Variants in SETD2 observed in about 807,000 individuals in gnomAD.
The protein encoded by SETD2 is SET domain containing 2, histone lysine methyltransferase.
In SETD2, 31 loss-of-function variants were observed where a neutral mutation model predicts 242.1. That is an observed-to-expected ratio of 0.13 (90% CI 0.10 to 0.17). SETD2 has a LOEUF of 0.17. Ranked by LOEUF, SETD2 falls within the 10% of genes least tolerant of loss-of-function variation. The pLI is 1.00. For missense variants in SETD2, 2,481 were observed against 3,046.3 expected, an observed-to-expected ratio of 0.81 and a Z score of 4.37; for synonymous variants, 1,006 against 1,066.5, an observed-to-expected ratio of 0.94 and a Z score of 1.11.
At chr3:47,030,228 G>T (rs553621575) in intron 18 of SETD2, among the ~76,000 whole-genome samples, 1 of 151,994 alleles carries the variant, frequency 6.6e-6, no homozygotes, top group South Asian at 2.1e-4. Context: ...AAATAAAAAA[G>T]AAATTAAAAC....
chr3:47,096,793 A>AAG (rs1375197959), intron 9 of SETD2, among the ~76,000 whole-genome samples: 4 of 152,156 alleles, frequency 2.6e-5, no homozygotes, highest in South Asian at 2.1e-4. Context: ...CATTTTTTAA[A>AAG]AGAGAGAGAG....
At chr3:47,104,602 T>C (rs1254707029) in intron 6 of SETD2, among the ~76,000 whole-genome samples, 1 of 152,238 alleles carries the variant, frequency 6.6e-6, no homozygotes, top group Non-Finnish European at 1.5e-5. Flanking sequence ...ATGGGCTTAC[T>C]ATTGTTACAG....
At chr3:47,140,819 C>T (rs996556246) in intron 1 of SETD2, among the ~76,000 whole-genome samples, 7 of 152,048 alleles carry the variant, frequency 4.6e-5, no homozygotes, top group African/African-American at 9.7e-5. Context: ...GCTGAGATTG[C>T]GCCATTGCAC....
chr3:47,121,560 G>T lies in SETD2; in HGVS notation c.3076C>A (p.His1026Asn). 3 of 1,614,044 alleles carry T rather than the reference G, an allele frequency of 1.9e-6. No homozygotes were observed. Among genetic ancestry groups the T allele is most frequent in the South Asian group, 1.1e-5 (1 of 91,050 alleles). ...ACTGTAGACACAATTTCTGGGGCAT[G>T]ACCACTACTGTCACACTTTAATGCA... ...TYALKCDSSG[H>N]APEIVSTVHE... Residue 1026 changes from histidine (H) to asparagine (N), a missense_variant, in exon 3 of 21, where the codon CAT becomes AAT. Transcript: ENST00000409792.
chr3:47,058,440 C>CAA (rs1174283471), intron 14 of SETD2, among the ~76,000 whole-genome samples: 1,173 of 21,518 alleles, frequency 0.055, 134 homozygotes, highest in Non-Finnish European at 0.058. Context: ...GACACCGTCT[C>CAA]AAAAAAAAAA....
At position 47,088,040 on chromosome 3, in the gene SETD2, C is replaced by T. The variant is rs957562059; in HGVS notation, c.5277+73G>A. The T allele has an allele frequency of 3.6e-6, 5 of 1,404,942 alleles. No homozygotes were observed. The African/African-American group carries it at 7.3e-5, about 20-fold the overall frequency. 87.0% of individuals were successfully genotyped at this position (1,404,942 alleles called of 1,614,324 possible). The stretch of plus-strand genomic sequence containing the variant: ...AGACTAACTCTTATCAGAATTATTC[C>T]TTCTTCATTCATCTTCATTCATTCA... On this transcript the variant is annotated intron_variant, in intron 10 of 20. Transcript: ENST00000409792.
chr3:47,088,461 G>A (rs1211434975), intron 9 of SETD2, among the ~76,000 whole-genome samples: 3 of 149,162 alleles, frequency 2.0e-5, no homozygotes, highest in Non-Finnish European at 4.4e-5. Flanking sequence ...CATTTGAAAT[G>A]CATTTCATTC....
intron 1 of SETD2, among the ~76,000 whole-genome samples, chr3:47,157,275 A>G (rs911762843): frequency 6.6e-6 from 1 of 152,150 alleles, no homozygotes; most frequent in Non-Finnish European, 1.5e-5. Context: ...CAAAAAAATT[A>G]GCCAGGAGTG....
intron 12 of SETD2, among the ~76,000 whole-genome samples, chr3:47,072,392 A>G (rs2040862875): frequency 6.6e-6 from 1 of 152,178 alleles, no homozygotes; most frequent in African/African-American, 2.4e-5. Flanking sequence ...GTAATAACAG[A>G]TTTATTTTTG....
chr3:47,127,236 T>C (rs536357174), intron 1 of SETD2, among the ~76,000 whole-genome samples: 1 of 151,778 alleles, frequency 6.6e-6, no homozygotes, highest in African/African-American at 2.4e-5. Flanking sequence ...CGTGCACTTA[T>C]AGTCCCAGCT....
intron 3 of SETD2, 33 bp downstream of exon 3, chr3:47,120,149 A>C (rs952695493): frequency 6.9e-7 from 1 of 1,452,926 alleles, no homozygotes; most frequent in Non-Finnish European, 9.3e-7. Context: ...AAAAAGAGTT[A>C]AAATTTGTCA....
At chr3:47,158,272 A>G (rs1361237818) in intron 1 of SETD2, among the ~76,000 whole-genome samples, 1 of 152,234 alleles carries the variant, frequency 6.6e-6, no homozygotes, top group Non-Finnish European at 1.5e-5. Context: ...ATATAATGAT[A>G]AACATATTTC....
chr3:47,160,029 C>G (rs1697443380), intron 1 of SETD2, among the ~76,000 whole-genome samples: 1 of 151,958 alleles, frequency 6.6e-6, no homozygotes, highest in South Asian at 2.1e-4. Flanking sequence ...ATTATTACAC[C>G]TTCTTGCTCA....
chr3:47,093,268 T>C (rs556717276), intron 9 of SETD2, among the ~76,000 whole-genome samples: 2 of 151,842 alleles, frequency 1.3e-5, no homozygotes, highest in East Asian at 3.9e-4. Flanking sequence ...ACTATTTCTT[T>C]TATAATTTAT....
intron 1 of SETD2, among the ~76,000 whole-genome samples, chr3:47,160,249 C>T (rs1697448789): frequency 6.6e-6 from 1 of 152,214 alleles, no homozygotes; most frequent in African/African-American, 2.4e-5. Context: ...CCCCCTTACT[C>T]TATTCCACTT....
chr3:47,049,411 C>T (rs1292946485), intron 15 of SETD2, among the ~76,000 whole-genome samples: 2 of 117,382 alleles, frequency 1.7e-5, no homozygotes, highest in African/African-American at 3.3e-5. Flanking sequence ...CTGGCTCTGT[C>T]GCCCAGGCTG....
chr3:47,108,305 C>T (rs1338894905), intron 5 of SETD2, among the ~76,000 whole-genome samples: 2 of 152,108 alleles, frequency 1.3e-5, no homozygotes, highest in Admixed American at 1.3e-4. Flanking sequence ...AATCTATCTT[C>T]CCTAAACTTA....
chr3:47,017,209 G>A lies in SETD2; in HGVS notation c.7579C>T (p.Pro2527Ser), dbSNP rs2107485417. Reference protein sequence around the residue: ...MNKELKYCKNPEDLECNENVK... With the variant: ...MNKELKYCKNSEDLECNENVK... ...TTCTCATTGCACTCCAGGTCCTCAG[G>A]ATTCTTACAGTACTTCAGCTCCTTA... The change falls in exon 21 of 21, where the codon CCT (proline) becomes TCT (serine). Residue 2527 changes from proline to serine, a missense_variant. Coordinates refer to ENST00000409792, the MANE Select transcript of SETD2 (RefSeq NM_014159.7). The surrounding 1 kb of genome is among the most constrained non-coding windows in gnomAD (Gnocchi z 4.8). 6.2e-7 allele frequency: 1 copy of A among 1,614,100 alleles called. No homozygotes were observed. Among genetic ancestry groups the A allele is most frequent in the Non-Finnish European group, 8.5e-7 (1 of 1,180,014 alleles).
chr3:47,151,778 G>A (rs2043990343), intron 1 of SETD2, among the ~76,000 whole-genome samples: 1 of 142,988 alleles, frequency 7.0e-6, no homozygotes, highest in Non-Finnish European at 1.5e-5. Context: ...AGAGAGCCAA[G>A]ATCGCACCAC....
Sources: allele counts gnomAD v4.1 joint callset (sites outside exome capture counted in the v4.1 genomes callset), GRCh38; gene constraint gnomAD v4.1.1; non-coding constraint Gnocchi (gnomAD v3.1); transcripts MANE v1.5; gene names NCBI Gene and HGNC (gene_info 2026-07-23, HGNC 2026-07-21).